PXN: variants seen among roughly 807,000 people sequenced by gnomAD.
PXN encodes the protein testicular tissue protein Li 134.
PXN carries 61 observed loss-of-function variants against 103.6 expected under a neutral mutation model. The ratio of observed to expected loss-of-function variants is 0.59; its 90% CI spans 0.48 to 0.73. The LOEUF (loss-of-function observed/expected upper bound fraction) is 0.73. Ranked by LOEUF, PXN falls within the 30% of genes least tolerant of loss-of-function variation. The probability of loss-of-function intolerance (pLI) is 0.00; values close to 1 mark genes in which losing one functional copy is unlikely to be tolerated. For missense variants in PXN, 1,274 were observed against 1,460.3 expected, an observed-to-expected ratio of 0.87 and a Z score of 2.08; for synonymous variants, 562 against 607.8, an observed-to-expected ratio of 0.92 and a Z score of 1.11.
At chr12:120,245,401 C>T (rs577226075) in intron 1 of PXN, among the ~76,000 whole-genome samples, 116 of 150,764 alleles carry the variant, frequency 7.7e-4, no homozygotes, top group South Asian at 7.3e-3. Flanking sequence ...GAAGACAACA[C>T]GTTCTCAGAC....
Position 120,215,776 on chromosome 12 carries a change from C to T in PXN, c.2302-115G>A. On this transcript the variant is annotated intron_variant, in intron 9 of 14. Coordinates refer to ENST00000637617, the MANE Select transcript of PXN (RefSeq NM_001385981.1). The surrounding 1 kb of genome is among the most constrained non-coding windows in gnomAD (Gnocchi z 4.9). ...AGGATGAGATCTGAGGGTTTCTCCC[C>T]CACCGGCAGGACCAAAATTGGGGGA... 1 of 1,299,676 alleles carries T rather than the reference C, an allele frequency of 7.7e-7. No individual in the cohort carries two copies. The highest frequency in any genetic ancestry group is 1.0e-6 in the Non-Finnish European group (1 of 991,016). The allele number at this position is 1,299,676 out of a possible 1,614,324, so 80.5% of individuals were successfully genotyped here.
At position 120,214,959 on chromosome 12, in the gene PXN, A is replaced by G. The variant is rs1290283364; in HGVS notation, c.2614T>C (p.Phe872Leu). 6.2e-6 allele frequency: 10 copies of G among 1,613,860 alleles called. No individual in the cohort carries two copies. The highest frequency in any genetic ancestry group is 1.6e-4 in the Middle Eastern group (1 of 6,084). ...AMGKTWHPEH[F>L]VCTHCQEEIG... Reference sequence around the variant, plus strand: ...TCCTCCTGGCAGTGGGTGCAGACGAAGTGCTCGGGGTGCCACGTCTTCCCC... The same window carrying G: ...TCCTCCTGGCAGTGGGTGCAGACGAGGTGCTCGGGGTGCCACGTCTTCCCC... The change falls in exon 12 of 15, where the codon TTC becomes CTC. Residue 872 changes from phenylalanine (F) to leucine (L), a missense_variant. Transcript: ENST00000637617. The surrounding 1 kb of genome is among the most constrained non-coding windows in gnomAD (Gnocchi z 5.0).
intron 1 of PXN, among the ~76,000 whole-genome samples, chr12:120,238,994 A>G (rs1299390812): frequency 2.0e-5 from 3 of 152,134 alleles, no homozygotes; most frequent in Non-Finnish European, 4.4e-5. Context: ...CAGCTAGGGA[A>G]CTTCTGACGG....
chr12:120,221,782 T>C lies in PXN; in HGVS notation c.696-24A>G, dbSNP rs1885235467. 1 of 1,544,584 alleles carries C rather than the reference T, an allele frequency of 6.5e-7. No homozygotes were observed. ...GGCTGCAGGGTGGGCACAGCATCAG[T>C]GGGGAGCCCACAGTCAGCCCCACAC... On this transcript the variant is annotated intron_variant, in intron 5 of 14. Coordinates refer to ENST00000637617, the MANE Select transcript of PXN (RefSeq NM_001385981.1). This position sits in a 1 kb window ranked among gnomAD's most constrained non-coding sequence, Gnocchi z 6.6.
chr12:120,216,489 G>A lies in PXN; in HGVS notation c.2085C>T (p.Asp695=), dbSNP rs537354557. ...PSVPLLQHRT[D]AAASSSSPLP... ...GGGGAGAAGAGCTGCTGGCCGCGGC[G>A]TCTGTGCGATGCTGGAGCAAAGGGA... Residue 695 remains aspartate (D), a synonymous_variant, in exon 9 of 15, where the codon GAC becomes GAT. Transcript: ENST00000637617. The surrounding 1 kb of genome is among the most constrained non-coding windows in gnomAD (Gnocchi z 5.1). The A allele has an allele frequency of 4.3e-5, 60 of 1,385,886 alleles. No individual in the cohort carries two copies. Among genetic ancestry groups the A allele is most frequent in the African/African-American group, 1.2e-4 (8 of 66,180 alleles). The allele number at this position is 1,385,886 out of a possible 1,614,324, so 85.8% of individuals were successfully genotyped here.
At chr12:120,218,285 C>T (rs1193519910) in intron 7 of PXN, among the ~76,000 whole-genome samples, 1 of 152,074 alleles carries the variant, frequency 6.6e-6, no homozygotes, top group Non-Finnish European at 1.5e-5. Flanking sequence ...CTCAAGCGAT[C>T]CTCTTGCCTC....
rs183136375 is a variant in PXN, at chr12:120,229,503, T to C, written c.14-5126A>G. On this transcript the variant is annotated intron_variant, in intron 1 of 14. Transcript: ENST00000637617. This position sits in a 1 kb window ranked among gnomAD's most constrained non-coding sequence, Gnocchi z 4.0. The stretch of plus-strand genomic sequence containing the variant: ...CTTGTACGGTGAATCCTCAGTCACC[T>C]GGGCTCTGCTCAATGGCTGAACTGC... Among the ~76,000 whole-genome samples, 1 of 152,324 alleles carries C rather than the reference T, an allele frequency of 6.6e-6. No individual in the cohort carries two copies. The highest frequency in any genetic ancestry group is 1.9e-4 in the East Asian group (1 of 5,182).
rs1171388414 is a variant in PXN, at chr12:120,226,022, G to A, written c.14-1645C>T. The A allele has an allele frequency of 2.8e-6, 3 of 1,065,032 alleles. No homozygotes were observed. The African/African-American group carries it at 5.0e-5, about 18-fold the overall frequency. The allele number at this position is 1,065,032 out of a possible 1,614,324, so 66.0% of individuals were successfully genotyped here. The stretch of plus-strand genomic sequence containing the variant: ...GGTCCTACAGCCCGCCCCGCCCTCC[G>A]GGTCCCATGGAGGAGGCCTGGCTTC... On this transcript the variant is annotated intron_variant, in intron 1 of 14. Coordinates refer to ENST00000637617, the MANE Select transcript of PXN (RefSeq NM_001385981.1).
Position 120,215,722 on chromosome 12 carries a change from G to A in PXN, c.2302-61C>T. On this transcript the variant is annotated intron_variant, in intron 9 of 14. Transcript: ENST00000637617. The surrounding 1 kb of genome is among the most constrained non-coding windows in gnomAD (Gnocchi z 4.9). Reference sequence around the variant, plus strand: ...TTTTAAAAATTAAGAAAGAATACAAGACCTTGTCACTGGACTAAAAGGGAA... The same window carrying A: ...TTTTAAAAATTAAGAAAGAATACAAAACCTTGTCACTGGACTAAAAGGGAA... 6.6e-7 allele frequency: 1 copy of A among 1,505,250 alleles called. No homozygotes were observed. Among genetic ancestry groups the A allele is most frequent in the Non-Finnish European group, 8.9e-7 (1 of 1,118,670 alleles). 93.2% of individuals were successfully genotyped at this position (1,505,250 alleles called of 1,614,324 possible). A position where few individuals can be genotyped will look rare whatever the true frequency, so the allele number is the denominator to read the frequency against.
At chr12:120,264,896 C>T (rs985549997) in intron 1 of PXN, among the ~76,000 whole-genome samples, 22 of 151,802 alleles carry the variant, frequency 1.4e-4, no homozygotes, top group African/African-American at 5.3e-4. Flanking sequence ...GTCCACAGAG[C>T]GGGGAGGTCA....
rs1284658635 is a variant in PXN at position 120,229,394 on chromosome 12, A to G, written c.14-5017T>C. Among the ~76,000 whole-genome samples the G allele has an allele frequency of 6.6e-6, 1 of 152,164 alleles. No individual in the cohort carries two copies. The highest frequency in any genetic ancestry group is 1.5e-5 in the Non-Finnish European group (1 of 68,034). On this transcript the variant is annotated intron_variant, in intron 1 of 14. Transcript: ENST00000637617. The surrounding 1 kb of genome is among the most constrained non-coding windows in gnomAD (Gnocchi z 4.0). Reference sequence around the variant, plus strand: ...GACAGGTGCCAAGAGAGAGGAGATAAAAGTCCATCTCTCTGAGGGGGTGGG... The same window carrying G: ...GACAGGTGCCAAGAGAGAGGAGATAGAAGTCCATCTCTCTGAGGGGGTGGG...
intron 1 of PXN, among the ~76,000 whole-genome samples, chr12:120,256,441 G>A (rs988717624): frequency 3.3e-5 from 5 of 151,970 alleles, no homozygotes; most frequent in African/African-American, 9.7e-5. Flanking sequence ...GGAGAAAAAC[G>A]GAACCAGAAG....
In PXN at chr12:120,221,038, G is replaced by A. The variant is rs993379632; in HGVS notation, c.831+585C>T. Among the ~76,000 whole-genome samples, 3 of 152,196 alleles carry A rather than the reference G, an allele frequency of 2.0e-5. No homozygotes were observed. Among genetic ancestry groups the A allele is most frequent in the East Asian group, 1.9e-4 (1 of 5,192 alleles). ...AGGGGAGGGGAAGGGCAGGTACCTCGTGCAAGCCTGGCCCCATGGTTTCCC... is the reference window on the plus strand; with the variant it reads ...AGGGGAGGGGAAGGGCAGGTACCTCATGCAAGCCTGGCCCCATGGTTTCCC... On this transcript the variant is annotated intron_variant, in intron 6 of 14. Coordinates refer to ENST00000637617, the MANE Select transcript of PXN (RefSeq NM_001385981.1). The surrounding 1 kb of genome is among the most constrained non-coding windows in gnomAD (Gnocchi z 6.6).
At chr12:120,226,488 CA>C (rs1886911008) in intron 1 of PXN, 1 of 1,274,082 alleles carries the variant, frequency 7.8e-7, no homozygotes, top group Non-Finnish European at 1.0e-6. Context: ...TCTTGGACTC[CA>C]AACACCCAAC....
Position 120,224,011 on chromosome 12 carries a change from G to C in PXN, c.240+140C>G. On this transcript the variant is annotated intron_variant, in intron 2 of 14. Transcript: ENST00000637617. The surrounding 1 kb of genome is among the most constrained non-coding windows in gnomAD (Gnocchi z 5.0). ...TTGGTCACTGTTCCACTCACGTGGT[G>C]AGTGGGAAGAGCAGTGTCTGGTTGG... 1.2e-6 allele frequency: 1 copy of C among 803,592 alleles called. No individual in the cohort carries two copies. The highest frequency in any genetic ancestry group is 2.0e-6 in the Non-Finnish European group (1 of 511,618). The allele number at this position is 803,592 out of a possible 1,614,324, so 49.8% of individuals were successfully genotyped here.
intron 1 of PXN, among the ~76,000 whole-genome samples, chr12:120,246,651 G>A (rs1166750167): frequency 3.3e-5 from 5 of 151,808 alleles, no homozygotes; most frequent in South Asian, 2.1e-4. Flanking sequence ...TCAGGAGATC[G>A]AGACCATCCT....
At chr12:120,259,970 C>T (rs568488376) in intron 1 of PXN, among the ~76,000 whole-genome samples, 22 of 152,328 alleles carry the variant, frequency 1.4e-4, no homozygotes, top group African/African-American at 5.3e-4. Flanking sequence ...AGACAAGGAG[C>T]ATGTTCGGGT....
intron 1 of PXN, among the ~76,000 whole-genome samples, chr12:120,230,119 G>A (rs1432502515): frequency 6.6e-6 from 1 of 152,174 alleles, no homozygotes; most frequent in African/African-American, 2.4e-5. Flanking sequence ...AGCTTTCATT[G>A]CCCCAGGCAG....
At chr12:120,258,850 G>T (rs1046671101) in intron 1 of PXN, among the ~76,000 whole-genome samples, 1 of 148,818 alleles carries the variant, frequency 6.7e-6, no homozygotes, top group Non-Finnish European at 1.5e-5. Context: ...ACCTGAGGTC[G>T]GGAGTTTGAG....
Sources: allele counts gnomAD v4.1 joint callset (sites outside exome capture counted in the v4.1 genomes callset), GRCh38; gene constraint gnomAD v4.1.1; non-coding constraint Gnocchi (gnomAD v3.1); transcripts MANE v1.5; gene names NCBI Gene and HGNC (gene_info 2026-07-23, HGNC 2026-07-21).